The following PRKDC variants were observed in gnomAD, a reference collection of about 807,000 sequenced individuals.
The protein encoded by PRKDC is protein kinase, DNA-activated, catalytic subunit.
PRKDC carries 82 observed loss-of-function variants against 486.9 expected under a neutral mutation model. The observed-to-expected ratio is 0.17, with a 90% CI of 0.14 to 0.20. PRKDC has a LOEUF of 0.20. Ranked by LOEUF, PRKDC falls within the 10% of genes least tolerant of loss-of-function variation. PRKDC has a pLI of 1.00. For synonymous variants in PRKDC, 1,895 were observed against 1,837.0 expected, an observed-to-expected ratio of 1.03 and a Z score of -0.81; for missense variants, 4,504 against 5,038.2, an observed-to-expected ratio of 0.89 and a Z score of 3.21.
intron 30 of PRKDC, among the ~76,000 whole-genome samples, chr8:47,896,198 T>C (rs1020752039): frequency 3.3e-4 from 50 of 151,678 alleles, no homozygotes; most frequent in African/African-American, 1.2e-3. Flanking sequence ...TTATAGTATG[T>C]ATTTATACAT....
At chr8:47,839,086 T>C in intron 56 of PRKDC, 62 bp downstream of exon 56, 1 of 1,290,668 alleles carries the variant, frequency 7.7e-7, no homozygotes. Flanking sequence ...AAAAATACTC[T>C]ATGCTACCTT....
At chr8:47,895,071 T>C (rs1056356012) in intron 30 of PRKDC, among the ~76,000 whole-genome samples, 2 of 152,122 alleles carry the variant, frequency 1.3e-5, no homozygotes, top group Non-Finnish European at 1.5e-5. Flanking sequence ...AGTGAGACCC[T>C]GTCTCTTAAA....
chr8:47,785,416 A>G (rs970157679), intron 76 of PRKDC, 99 bp from the exon 77 acceptor site: 3 of 938,088 alleles, frequency 3.2e-6, no homozygotes, highest in Non-Finnish European at 4.8e-6. Flanking sequence ...GCTCAATGGT[A>G]TATGTTTCTT....
chr8:47,904,751 C>A, intron 26 of PRKDC, 118 bp downstream of exon 26: 1 of 719,920 alleles, frequency 1.4e-6, no homozygotes, highest in Non-Finnish European at 2.2e-6. Context: ...CAAGATCGTG[C>A]CACTGCATTC....
At chr8:47,853,242 A>T (rs2088453988) in intron 51 of PRKDC, among the ~76,000 whole-genome samples, 1 of 152,212 alleles carries the variant, frequency 6.6e-6, no homozygotes, top group Non-Finnish European at 1.5e-5. Context: ...CTGCAAGGTT[A>T]TCCCAGTGTA....
At chr8:47,774,905 G>T (rs1465760342) in intron 85 of PRKDC, among the ~76,000 whole-genome samples, 1 of 152,142 alleles carries the variant, frequency 6.6e-6, no homozygotes, top group Non-Finnish European at 1.5e-5. Context: ...TGGGATTACA[G>T]GTGTGAGCCA....
chr8:47,936,459 C>A lies in PRKDC; in HGVS notation c.1172G>T (p.Arg391Leu). The change falls in exon 12 of 86, where the codon CGC becomes CTC. Residue 391 changes from arginine (R) to leucine (L), a missense_variant. Physicochemically the swap from Arg to Leu is moderately radical, Grantham distance 102 (BLOSUM62 -2). Coordinates refer to ENST00000314191, the MANE Select transcript of PRKDC (RefSeq NM_006904.7). ...VDFMYVELIQRCKQMFLTQTD... is the reference protein window; with the variant it reads ...VDFMYVELIQLCKQMFLTQTD... ...CTGGGTGAGGAACATCTGCTTGCAGCGCTGAATGAGCTCAACGTACATGAA... is the reference window on the plus strand; with the variant it reads ...CTGGGTGAGGAACATCTGCTTGCAGAGCTGAATGAGCTCAACGTACATGAA... 1 of 1,613,978 alleles carries A rather than the reference C, an allele frequency of 6.2e-7. No individual in the cohort carries two copies. The highest frequency in any genetic ancestry group is 8.5e-7 in the Non-Finnish European group (1 of 1,179,888).
Position 47,807,133 on chromosome 8 carries a change from C to T in PRKDC, c.9747+4G>A, listed in dbSNP as rs2087229087. On this transcript the variant is annotated splice_donor_region_variant and intron_variant, in intron 69 of 85. Transcript: ENST00000314191. Reference sequence around the variant, plus strand: ...CAGCAGGGAGGACAGACACGAGTACCCACCTGCTTCCGGGCACTGTCTATC... The same window carrying T: ...CAGCAGGGAGGACAGACACGAGTACTCACCTGCTTCCGGGCACTGTCTATC... 2 of 1,612,684 alleles carry T rather than the reference C, an allele frequency of 1.2e-6. No individual in the cohort carries two copies. Among genetic ancestry groups the T allele is most frequent in the Non-Finnish European group, 1.7e-6 (2 of 1,179,144 alleles).
Position 47,857,165 on chromosome 8 carries a change from G to A in PRKDC, c.6600C>T (p.Ala2200=), listed in dbSNP as rs2088561029. ...ATGCATCAATCCTTACTGTTGGAGT[G>A]GCCAAGCCTGTCCATGAAAGAATAG... The part of the protein sequence containing the change: ...VATILSWTGL[A]TPTGVPKDEV... The change falls in exon 49 of 86, where the codon GCC becomes GCT. Residue 2200 remains alanine, a synonymous_variant. Coordinates refer to ENST00000314191, the MANE Select transcript of PRKDC (RefSeq NM_006904.7). 1 of 1,613,594 alleles carries A rather than the reference G, an allele frequency of 6.2e-7. No individual in the cohort carries two copies. The highest frequency in any genetic ancestry group is 1.7e-5 in the Admixed American group (1 of 59,948).
chr8:47,889,051 G>A lies in PRKDC; in HGVS notation c.4243C>T (p.Leu1415=). 6.2e-7 allele frequency: 1 copy of A among 1,613,890 alleles called. No individual in the cohort carries two copies. The highest frequency in any genetic ancestry group is 8.5e-7 in the Non-Finnish European group (1 of 1,179,844). The change falls in exon 33 of 86, where the codon CTA becomes TTA. Residue 1415 remains leucine (L), a synonymous_variant. Transcript: ENST00000314191. ...ATTTTCTCTCTCAGATGGGTCTCTA[G>A]GATATCTTTGTATGGGGACATCTTT... ...ALKMSPYKDI[L]ETHLREKITA...
chr8:47,862,028 A>G (rs368056821), intron 44 of PRKDC, 34 bp downstream of exon 44: 465 of 1,499,012 alleles, frequency 3.1e-4, no homozygotes, highest in Non-Finnish European at 3.8e-4. Flanking sequence ...TGAGCACTTG[A>G]TAAGTTTTTT....
chr8:47,886,712 G>A (rs2089340466), intron 35 of PRKDC, among the ~76,000 whole-genome samples: 1 of 152,030 alleles, frequency 6.6e-6, no homozygotes, highest in Non-Finnish European at 1.5e-5. Flanking sequence ...TTTAAAGACA[G>A]GGTGTCACTC....
intron 74 of PRKDC, among the ~76,000 whole-genome samples, chr8:47,793,918 G>A (rs1460446245): frequency 6.6e-6 from 1 of 152,126 alleles, no homozygotes; most frequent in Non-Finnish European, 1.5e-5. Flanking sequence ...GTTTAAGAGT[G>A]GACAGGATGA....
chr8:47,888,728 G>T, intron 33 of PRKDC, 78 bp from the exon 34 acceptor site: 1 of 1,455,928 alleles, frequency 6.9e-7, no homozygotes, highest in Non-Finnish European at 9.1e-7. Context: ...AAAAATGTTT[G>T]CACTGTTATG....
intron 31 of PRKDC, among the ~76,000 whole-genome samples, chr8:47,891,401 T>G (rs1050056705): frequency 6.6e-6 from 1 of 152,172 alleles, no homozygotes. Context: ...TTTGATGTAT[T>G]CCAAGAACTG....
intron 54 of PRKDC, among the ~76,000 whole-genome samples, chr8:47,845,811 A>G (rs1358609133): frequency 6.6e-6 from 1 of 151,910 alleles, no homozygotes; most frequent in Non-Finnish European, 1.5e-5. Flanking sequence ...AGGAGGAAGG[A>G]CTCCTCCCTG....
At chr8:47,959,186 TTAAG>T (rs767852285) in intron 1 of PRKDC, 1 of 152,196 alleles carries the variant, frequency 6.6e-6, no homozygotes, top group East Asian at 1.9e-4. Context: ...ATCCACATAA[TTAAG>T]TATTTGAATA....
At chr8:47,928,207 G>A (rs1036865045) in intron 19 of PRKDC, among the ~76,000 whole-genome samples, 1 of 149,910 alleles carries the variant, frequency 6.7e-6, no homozygotes, top group African/African-American at 2.5e-5. Context: ...CCAGGCTGGA[G>A]TGCATGGTGC....
At chr8:47,877,066 C>T (rs562137911) in intron 40 of PRKDC, among the ~76,000 whole-genome samples, 1 of 152,262 alleles carries the variant, frequency 6.6e-6, no homozygotes, top group South Asian at 2.1e-4. Context: ...TTTCCATTTA[C>T]AGAAAATCCA....
Sources: gnomAD v4.1 joint callset for allele counts (sites outside exome capture counted in the v4.1 genomes callset) on GRCh38, gnomAD v4.1.1 for gene constraint, MANE v1.5 for transcripts, NCBI Gene and HGNC (gene_info 2026-07-23, HGNC 2026-07-21) for gene names.